Variants in NTM observed in about 807,000 individuals in gnomAD.
NTM encodes IgLON family member 2.
Under a neutral mutation model 42.1 loss-of-function variants are expected in NTM, and 13 were observed. The ratio of observed to expected loss-of-function variants is 0.31; its 90% confidence interval spans 0.20 to 0.49. The LOEUF is 0.49. NTM is among the 20% of genes least tolerant of loss of function. The pLI is 0.99. For synonymous variants in NTM, 187 were observed against 179.2 expected (o/e 1.04, Z -0.35); for missense variants, 373 against 452.8 (o/e 0.82, Z 1.60).
chr11:131,989,717 G>GCACACACACA (rs57222149), intron 2 of NTM, among the ~76,000 whole-genome samples: 7 of 149,428 alleles, frequency 4.7e-5, no homozygotes, highest in Admixed American at 6.7e-5. Flanking sequence ...TTAGATACAT[G>GCACACACACA]CACACACACA....
chr11:131,488,189 G>T (rs531141188), intron 1 of NTM, among the ~76,000 whole-genome samples: 2 of 152,290 alleles, frequency 1.3e-5, no homozygotes, highest in Admixed American at 6.5e-5. Context: ...AAACTTGGGG[G>T]GTTCAAACAA....
intron 4 of NTM, among the ~76,000 whole-genome samples, chr11:132,234,291 T>C (rs2088278665): frequency 6.6e-6 from 1 of 152,208 alleles, no homozygotes; most frequent in African/African-American, 2.4e-5. Flanking sequence ...CGGTCTTCGC[T>C]AGTACTGCCT....
intron 2 of NTM, among the ~76,000 whole-genome samples, chr11:131,915,098 CA>C (rs1481013384): frequency 3.9e-5 from 6 of 152,172 alleles, no homozygotes; most frequent in African/African-American, 1.2e-4. Context: ...TTTATGTAAA[CA>C]GTAACATTTA....
At chr11:131,693,695 A>G (rs554390676) in intron 1 of NTM, among the ~76,000 whole-genome samples, 1 of 152,244 alleles carries the variant, frequency 6.6e-6, no homozygotes, top group South Asian at 2.1e-4. Context: ...CCCAAATCCT[A>G]TGTATATATG....
At chr11:132,082,745 A>T (rs2059244429) in intron 2 of NTM, among the ~76,000 whole-genome samples, 1 of 152,226 alleles carries the variant, frequency 6.6e-6, no homozygotes, top group African/African-American at 2.4e-5. Context: ...TTTGGGGAAA[A>T]TGGCAGTCAG....
At position 131,857,221 on chromosome 11, in the gene NTM, C is replaced by T. The variant is rs139499948; in HGVS notation, c.83-54343C>T. Reference sequence around the variant, plus strand: ...TAACTCCTTTACTTGTCGTTGAAGTCTCCTAACCCCAATGTTGCCATCTCT... The same window carrying T: ...TAACTCCTTTACTTGTCGTTGAAGTTTCCTAACCCCAATGTTGCCATCTCT... On this transcript the variant is annotated intron_variant, in intron 1 of 8. Coordinates refer to ENST00000683400, the MANE Select transcript of NTM (RefSeq NM_001352005.2). 1.8e-4 allele frequency among the ~76,000 whole-genome samples: 27 copies of T among 152,304 alleles called. No individual in the cohort carries two copies. The East Asian group carries it at 4.4e-3, about 25-fold the overall frequency.
chr11:132,075,510 C>T (rs1430691409), intron 2 of NTM, among the ~76,000 whole-genome samples: 2 of 151,942 alleles, frequency 1.3e-5, no homozygotes. Flanking sequence ...AACATTTTGT[C>T]TTTTATTGGT....
chr11:131,638,464 G>A (rs1393272271), intron 1 of NTM, among the ~76,000 whole-genome samples: 1 of 150,748 alleles, frequency 6.6e-6, no homozygotes, highest in Non-Finnish European at 1.5e-5. Context: ...TACTGGGGAG[G>A]TTGAGGCAGC....
At chr11:132,244,749 T>C (rs1195205441) in intron 4 of NTM, among the ~76,000 whole-genome samples, 1 of 152,192 alleles carries the variant, frequency 6.6e-6, no homozygotes, top group East Asian at 1.9e-4. Context: ...AGAGAAAGCC[T>C]GTGACCTCTG....
At chr11:132,221,808 CA>C (rs1459451702) in intron 4 of NTM, among the ~76,000 whole-genome samples, 1 of 152,148 alleles carries the variant, frequency 6.6e-6, no homozygotes, top group Admixed American at 6.5e-5. Context: ...GCATGAAAAT[CA>C]GGGGGCAGGA....
intron 2 of NTM, among the ~76,000 whole-genome samples, chr11:132,087,776 A>C (rs2059909528): frequency 6.6e-6 from 1 of 152,002 alleles, no homozygotes; most frequent in African/African-American, 2.4e-5. Flanking sequence ...GACCTGGGGG[A>C]AGAACCTTTT....
At chr11:132,116,703 A>G (rs935153246) in intron 2 of NTM, among the ~76,000 whole-genome samples, 1 of 152,238 alleles carries the variant, frequency 6.6e-6, no homozygotes, top group Non-Finnish European at 1.5e-5. Context: ...GTGATATGCC[A>G]TGGAAATGCA....
intron 1 of NTM, among the ~76,000 whole-genome samples, chr11:131,908,157 C>A (rs145313698): frequency 8.5e-5 from 13 of 152,160 alleles, no homozygotes; most frequent in Non-Finnish European, 1.9e-4. Context: ...TTTCCCTTCA[C>A]GGGCAGAGAC....
intron 1 of NTM, among the ~76,000 whole-genome samples, chr11:131,835,731 A>G (rs1210022504): frequency 6.6e-6 from 1 of 152,200 alleles, no homozygotes; most frequent in African/African-American, 2.4e-5. Context: ...TTTCCCAAGC[A>G]TAGATATATA....
intron 7 of NTM, among the ~76,000 whole-genome samples, chr11:132,316,068 C>T (rs2095420799): frequency 6.6e-6 from 1 of 152,130 alleles, no homozygotes; most frequent in South Asian, 2.1e-4. Context: ...AACCCAAGTC[C>T]TGCTCTCCAC....
intron 1 of NTM, among the ~76,000 whole-genome samples, chr11:131,872,464 T>G (rs1044363805): frequency 6.6e-6 from 1 of 152,220 alleles, no homozygotes; most frequent in Non-Finnish European, 1.5e-5. Flanking sequence ...TCAGCCAGGA[T>G]CTATGATCAT....
chr11:132,326,381 TCA>T (rs2095684027), intron 7 of NTM, among the ~76,000 whole-genome samples: 1 of 152,006 alleles, frequency 6.6e-6, no homozygotes, highest in Admixed American at 6.6e-5. Context: ...TGTACTCAAC[TCA>T]CAGAGAGAAC....
At chr11:131,758,067 G>A (rs965918616) in intron 1 of NTM, among the ~76,000 whole-genome samples, 1 of 152,170 alleles carries the variant, frequency 6.6e-6, no homozygotes, top group Non-Finnish European at 1.5e-5. Flanking sequence ...ACAGGGCTCC[G>A]CTGAGAGCAA....
At chr11:131,713,852 A>G (rs1472963335) in intron 1 of NTM, among the ~76,000 whole-genome samples, 3 of 152,204 alleles carry the variant, frequency 2.0e-5, no homozygotes, top group Non-Finnish European at 4.4e-5. Context: ...TAGAGCAGGA[A>G]TGAAAGGAAG....
Sources: gnomAD v4.1 joint callset for allele counts (sites outside exome capture counted in the v4.1 genomes callset) on GRCh38, gnomAD v4.1.1 for gene constraint, MANE v1.5 for transcripts, NCBI Gene and HGNC (gene_info 2026-07-23, HGNC 2026-07-21) for gene names.